Variants in CCDC171 observed in about 807,000 individuals in gnomAD.
CCDC171 encodes the protein coiled-coil domain containing 171.
In CCDC171, 177 loss-of-function variants were observed where a neutral mutation model predicts 168.2. That is an observed-to-expected ratio of 1.05 (90% CI 0.93 to 1.19). CCDC171 has a LOEUF of 1.19. Ranked by LOEUF, CCDC171 falls within the 50% of genes most tolerant of loss-of-function variation. CCDC171 has a pLI of 0.00. For synonymous variants in CCDC171, 687 were observed against 540.8 expected (o/e 1.27, Z -3.75); for missense variants, 1,991 against 1,539.0 (o/e 1.29, Z -4.91).
At chr9:15,777,134 A>C (rs549506518) in intron 18 of CCDC171, among the ~76,000 whole-genome samples, 1 of 152,228 alleles carries the variant, frequency 6.6e-6, no homozygotes, top group African/African-American at 2.4e-5. Context: ...CCTTAAGTCC[A>C]TTATATGAGA....
chr9:16,036,330 C>T (rs1833466987), intron 8 of CCDC171: 1 of 152,232 alleles, frequency 6.6e-6, no homozygotes, highest in Non-Finnish European at 1.5e-5. Context: ...CCCAAAAAGC[C>T]ATCAGCACAG....
chr9:15,785,747 T>C (rs761537181), intron 21 of CCDC171, among the ~76,000 whole-genome samples: 1 of 152,128 alleles, frequency 6.6e-6, no homozygotes. Context: ...GGGAGTCAGA[T>C]TTCACATCTG....
intron 3 of CCDC171, among the ~76,000 whole-genome samples, chr9:15,575,564 CT>C: frequency 6.6e-6 from 1 of 152,300 alleles, no homozygotes; most frequent in East Asian, 1.9e-4. Flanking sequence ...CCAGCCAGTA[CT>C]CTTGAGAGCA....
chr9:16,072,031 A>G, the CCDC171 span, among the ~76,000 whole-genome samples: 882 of 152,340 alleles, frequency 5.8e-3, 14 homozygotes, highest in African/African-American at 0.02. Flanking sequence ...TGGAATATTA[A>G]TTTGACTGCA....
At chr9:16,067,679 A>G in the CCDC171 span, among the ~76,000 whole-genome samples, 15 of 152,304 alleles carry the variant, frequency 9.8e-5, no homozygotes, top group Admixed American at 6.5e-4. Context: ...CTTTCTACAT[A>G]TGGCTAGCCA....
the CCDC171 span, among the ~76,000 whole-genome samples, chr9:16,099,492 T>G: frequency 6.6e-6 from 1 of 152,236 alleles, no homozygotes. Flanking sequence ...CAGCTGTTTC[T>G]GATTTATTGT....
In CCDC171 at chr9:15,984,534, T is replaced by C. The variant is rs568583247; in HGVS notation, n.369-36055T>C. Among the ~76,000 whole-genome samples the C allele has an allele frequency of 2.0e-5, 3 of 152,206 alleles. No homozygotes were observed. In the South Asian group the frequency reaches 6.2e-4, roughly 32 times the overall value. On this transcript the variant is annotated intron_variant and non_coding_transcript_variant, in intron 3 of 9. Transcript: ENST00000486641. ...CTTTGATCCTACTTCTAGAAATCTT[T>C]CCTGAGGAAATAGCTAGAGAGCTAG... is the stretch of plus-strand genomic sequence containing the variant.
At position 15,821,215 on chromosome 9, in the gene CCDC171, C is replaced by G. The variant is rs540138433; in HGVS notation, c.3268-25487C>G. Among the ~76,000 whole-genome samples, 2 of 117,346 alleles carry G rather than the reference C, an allele frequency of 1.7e-5. 1 individual carries two copies. Among genetic ancestry groups the G allele is most frequent in the East Asian group, 4.3e-4 (2 of 4,658 alleles). 77.0% of individuals were successfully genotyped at this position (117,346 alleles called of 152,430 possible). A position where few individuals can be genotyped will look rare whatever the true frequency, so the allele number is the denominator to read the frequency against. ...AATAATAAGAGCTATCTATGACAGACCCACACCCAGTATCATACTGAATGG... is the reference window on the plus strand; with the variant it reads ...AATAATAAGAGCTATCTATGACAGAGCCACACCCAGTATCATACTGAATGG... On this transcript the variant is annotated intron_variant, in intron 21 of 25. Transcript: ENST00000380701.
intron 18 of CCDC171, among the ~76,000 whole-genome samples, chr9:15,756,618 A>T (rs981479649): frequency 3.3e-5 from 5 of 152,170 alleles, no homozygotes; most frequent in African/African-American, 1.2e-4. Flanking sequence ...CCCACTTATA[A>T]GTAAAAACAT....
At chr9:15,842,791 T>C (rs73644957) in intron 21 of CCDC171, among the ~76,000 whole-genome samples, 4,123 of 152,002 alleles carry the variant, frequency 0.027, 185 homozygotes, top group African/African-American at 0.095. Flanking sequence ...TATTTTATAA[T>C]TAATTAAAAA....
intron 7 of CCDC171, among the ~76,000 whole-genome samples, chr9:15,646,091 T>C (rs1033990198): frequency 5.9e-5 from 9 of 152,200 alleles, no homozygotes; most frequent in African/African-American, 2.2e-4. Flanking sequence ...GGGGCCAATA[T>C]TCAACATGCT....
intron 1 of CCDC171, among the ~76,000 whole-genome samples, chr9:15,556,028 G>A (rs1017026887): frequency 6.6e-6 from 1 of 152,054 alleles, no homozygotes; most frequent in African/African-American, 2.4e-5. Context: ...CTTTTTTATG[G>A]CTACATAGTA....
intron 11 of CCDC171, among the ~76,000 whole-genome samples, chr9:15,706,077 C>T (rs1473106555): frequency 6.6e-6 from 1 of 152,122 alleles, no homozygotes; most frequent in Non-Finnish European, 1.5e-5. Flanking sequence ...TCATTAGGGA[C>T]ATTTATTTCC....
At chr9:15,558,399 C>T (rs1275350564) in intron 1 of CCDC171, among the ~76,000 whole-genome samples, 1 of 151,972 alleles carries the variant, frequency 6.6e-6, no homozygotes, top group Admixed American at 6.6e-5. Context: ...CTATTATTGC[C>T]TCAATTTCAG....
downstream of CCDC171, among the ~76,000 whole-genome samples, chr9:16,064,288 T>G (rs1359387512): frequency 1.3e-5 from 2 of 152,128 alleles, no homozygotes; most frequent in Admixed American, 1.3e-4. Context: ...GTATCCAAGT[T>G]TCCAATATTA....
chr9:15,585,539 A>G (rs1036357273), intron 4 of CCDC171, among the ~76,000 whole-genome samples: 7 of 152,156 alleles, frequency 4.6e-5, no homozygotes, highest in Non-Finnish European at 7.4e-5. Flanking sequence ...AAAGCTAATC[A>G]TTGGTGAAAA....
intron 18 of CCDC171, among the ~76,000 whole-genome samples, chr9:15,748,222 C>T (rs1262567485): frequency 1.3e-5 from 2 of 151,984 alleles, no homozygotes; most frequent in African/African-American, 4.8e-5. Flanking sequence ...GAAAGTATAT[C>T]CGTGATTGAA....
intron 25 of CCDC171, among the ~76,000 whole-genome samples, chr9:15,953,600 G>T (rs1295860899): frequency 6.6e-6 from 1 of 151,986 alleles, no homozygotes; most frequent in Non-Finnish European, 1.5e-5. Context: ...GAGGATTTTT[G>T]GGTCTATATT....
chr9:15,910,518 C>G (rs1823468159), intron 24 of CCDC171, among the ~76,000 whole-genome samples: 1 of 151,814 alleles, frequency 6.6e-6, no homozygotes, highest in Non-Finnish European at 1.5e-5. Context: ...TAGCTTTGTT[C>G]TTTTTGCTTA....
Sources: gnomAD v4.1 joint callset for allele counts (sites outside exome capture counted in the v4.1 genomes callset) on GRCh38, gnomAD v4.1.1 for gene constraint, MANE v1.5 for transcripts, NCBI Gene and HGNC (gene_info 2026-07-23, HGNC 2026-07-21) for gene names.